Variants in SIPA1L1 observed in about 807,000 individuals in gnomAD.
SIPA1L1 encodes signal induced proliferation associated 1 like 1.
SIPA1L1 carries 26 observed loss-of-function variants against 162.7 expected under a neutral mutation model. The observed-to-expected ratio is 0.16, with a 90% CI of 0.12 to 0.22. SIPA1L1 has a LOEUF of 0.22. SIPA1L1 is among the 10% of genes least tolerant of loss of function. SIPA1L1 has a pLI of 1.00. For missense variants in SIPA1L1, 1,874 were observed against 2,241.0 expected (o/e 0.84, Z 3.31); for synonymous variants, 829 against 837.4 (o/e 0.99, Z 0.17).
chr14:71,570,497 TCAA>T (rs2031767657), intron 4 of SIPA1L1, among the ~76,000 whole-genome samples: 1 of 152,060 alleles, frequency 6.6e-6, no homozygotes, highest in Non-Finnish European at 1.5e-5. Context: ...ACTCCTGAGC[TCAA>T]GAGATTCAGC....
intron 14 of SIPA1L1, among the ~76,000 whole-genome samples, chr14:71,701,787 C>A (rs1220309334): frequency 6.6e-6 from 1 of 152,150 alleles, no homozygotes; most frequent in East Asian, 1.9e-4. Context: ...TGCCAGTTTA[C>A]CTGCTTCCAA....
chr14:71,539,285 A>G lies in SIPA1L1; in HGVS notation c.-303+9915A>G, dbSNP rs78094809. 3.6e-3 allele frequency among the ~76,000 whole-genome samples: 550 copies of G among 152,248 alleles called. 3 individuals carry two copies. The highest frequency in any genetic ancestry group is 0.012 in the African/African-American group (518 of 41,544). ...AATGGAGGAGAATATTGTCTTTACTATATTACTCTTTGCTTGTGTGGCCTA... is the reference window on the plus strand; with the variant it reads ...AATGGAGGAGAATATTGTCTTTACTGTATTACTCTTTGCTTGTGTGGCCTA... On this transcript the variant is annotated intron_variant, in intron 4 of 23. Coordinates refer to ENST00000381232, the MANE Select transcript of SIPA1L1 (RefSeq NM_001386936.1).
At chr14:71,516,647 A>G (rs887478223) in intron 3 of SIPA1L1, among the ~76,000 whole-genome samples, 8 of 151,858 alleles carry the variant, frequency 5.3e-5, no homozygotes, top group African/African-American at 1.9e-4. Context: ...TGTTGGGATT[A>G]TAAGTGTGAG....
chr14:71,407,759 C>A (rs1369972742), intron 2 of SIPA1L1, among the ~76,000 whole-genome samples: 1 of 152,112 alleles, frequency 6.6e-6, no homozygotes, highest in East Asian at 1.9e-4. Flanking sequence ...CCTTTTATTT[C>A]TTTTATACTG....
intron 2 of SIPA1L1, among the ~76,000 whole-genome samples, chr14:71,381,644 G>T (rs1219153446): frequency 6.6e-6 from 1 of 152,008 alleles, no homozygotes; most frequent in Non-Finnish European, 1.5e-5. Context: ...TGATCTTTTT[G>T]TCCTAGAAAT....
intron 2 of SIPA1L1, among the ~76,000 whole-genome samples, chr14:71,468,886 G>T (rs565352744): frequency 6.6e-6 from 1 of 152,210 alleles, no homozygotes; most frequent in East Asian, 1.9e-4. Flanking sequence ...TATGTTCTTT[G>T]TTCTCTTGTA....
intron 2 of SIPA1L1, among the ~76,000 whole-genome samples, chr14:71,443,412 A>G (rs779357441): frequency 3.2e-4 from 49 of 152,142 alleles, no homozygotes; most frequent in Admixed American, 4.6e-4. Context: ...AAAGAATTTT[A>G]TCTTTTTGTG....
At chr14:71,532,861 G>A (rs1343866418) in intron 4 of SIPA1L1, among the ~76,000 whole-genome samples, 1 of 152,130 alleles carries the variant, frequency 6.6e-6, no homozygotes, top group Non-Finnish European at 1.5e-5. Flanking sequence ...ATTTTCCTTT[G>A]TGAGAAGGTA....
chr14:71,665,751 G>A (rs1308884548), intron 10 of SIPA1L1, among the ~76,000 whole-genome samples: 3 of 152,110 alleles, frequency 2.0e-5, no homozygotes, highest in Non-Finnish European at 4.4e-5. Context: ...CCCAGAGGAT[G>A]CCCGAAACCA....
At chr14:71,665,176 A>T (rs922624016) in intron 10 of SIPA1L1, among the ~76,000 whole-genome samples, 1 of 152,204 alleles carries the variant, frequency 6.6e-6, no homozygotes, top group Admixed American at 6.5e-5. Context: ...TTTATTTTTC[A>T]TTAGTTCTTT....
At chr14:71,529,114 A>G (rs557134196) in intron 3 of SIPA1L1, among the ~76,000 whole-genome samples, 198 bp from the exon 4 acceptor site, 1 of 108,142 alleles carries the variant, frequency 9.2e-6, no homozygotes, top group South Asian at 2.8e-4. Flanking sequence ...CTCCATCTTA[A>G]AAAAAAAAAA....
chr14:71,424,410 G>C (rs1480426343), intron 2 of SIPA1L1, among the ~76,000 whole-genome samples: 1 of 152,030 alleles, frequency 6.6e-6, no homozygotes, highest in African/African-American at 2.4e-5. Context: ...TTTGCAACTG[G>C]TTTTTCATAT....
At chr14:71,474,475 A>C (rs1435755322) in intron 2 of SIPA1L1, among the ~76,000 whole-genome samples, 1 of 152,200 alleles carries the variant, frequency 6.6e-6, no homozygotes, top group Non-Finnish European at 1.5e-5. Context: ...CAGCTGTTTG[A>C]GTATCTCTTA....
intron 2 of SIPA1L1, among the ~76,000 whole-genome samples, chr14:71,403,930 A>G (rs2041859806): frequency 6.6e-6 from 1 of 152,048 alleles, no homozygotes; most frequent in Non-Finnish European, 1.5e-5. Context: ...ACTATTTTAT[A>G]TCTATTGTAG....
intron 2 of SIPA1L1, among the ~76,000 whole-genome samples, chr14:71,479,044 T>A (rs574891282): frequency 2.6e-4 from 39 of 152,268 alleles, no homozygotes; most frequent in African/African-American, 8.9e-4. Context: ...TAGCTAAAAC[T>A]CAGTTTGTTC....
At chr14:71,705,373 A>G (rs2082363350) in intron 16 of SIPA1L1, 33 bp downstream of exon 16, 1 of 1,453,848 alleles carries the variant, frequency 6.9e-7, no homozygotes. Context: ...AAAGTATTAG[A>G]TTCCTAGCAG....
At chr14:71,532,417 A>G (rs371385545) in intron 4 of SIPA1L1, among the ~76,000 whole-genome samples, 12 of 152,216 alleles carry the variant, frequency 7.9e-5, no homozygotes, top group African/African-American at 2.9e-4. Context: ...TTGTGTAAAT[A>G]TGGAAAGTGG....
intron 2 of SIPA1L1, among the ~76,000 whole-genome samples, chr14:71,461,646 G>A (rs2046611487): frequency 6.6e-6 from 1 of 152,088 alleles, no homozygotes; most frequent in African/African-American, 2.4e-5. Context: ...CCAAACTCTT[G>A]GCTACAGCCT....
Position 71,732,822 on chromosome 14 carries a change from G to GA in SIPA1L1, c.4862-843dup, listed in dbSNP as rs555657534. 3.3e-3 allele frequency among the ~76,000 whole-genome samples: 501 copies of GA among 152,234 alleles called. 3 individuals are homozygous for GA. The highest frequency in any genetic ancestry group is 0.011 in the African/African-American group (460 of 41,526). ...TTGATGTGCCCCTCACACCCCCTTG[G>GA]ACACCTTTGACCATGGAACCCAGTG... On this transcript the variant is annotated intron_variant, in intron 20 of 23. Transcript: ENST00000381232.
Sources: allele counts gnomAD v4.1 joint callset (sites outside exome capture counted in the v4.1 genomes callset), GRCh38; gene constraint gnomAD v4.1.1; transcripts MANE v1.5; gene names NCBI Gene and HGNC (gene_info 2026-07-23, HGNC 2026-07-21).